The following MRPS25 variants were observed in gnomAD, a reference collection of about 807,000 sequenced individuals.
MRPS25 encodes mitochondrial ribosomal protein S25, also known as small ribosomal subunit protein mS25.
Under a neutral mutation model 17.3 loss-of-function variants are expected in MRPS25, and 15 were observed. That is an observed-to-expected ratio of 0.87 (90% CI 0.58 to 1.34). The LOEUF (loss-of-function observed/expected upper bound fraction) is 1.34. MRPS25 is among the 40% of genes most tolerant of loss of function. The pLI is 0.00. For synonymous variants in MRPS25, 94 were observed against 83.3 expected (o/e 1.13, Z -0.70); for missense variants, 225 against 218.6 (o/e 1.03, Z -0.19).
At chr3:15,057,631 G>A (rs2042690017) in intron 2 of MRPS25, among the ~76,000 whole-genome samples, 1 of 152,224 alleles carries the variant, frequency 6.6e-6, no homozygotes, top group African/African-American at 2.4e-5. Context: ...AAATTAACCA[G>A]AAAGTGGCAC....
downstream of MRPS25, chr3:15,043,514 T>C (rs2042345586): frequency 6.5e-6 from 1 of 152,726 alleles, no homozygotes; most frequent in Admixed American, 6.5e-5. Flanking sequence ...TTTGCCGAAA[T>C]GCTAATGATT....
chr3:15,054,349 G>T (rs1003318511), intron 2 of MRPS25, among the ~76,000 whole-genome samples: 1 of 152,146 alleles, frequency 6.6e-6, no homozygotes, highest in Non-Finnish European at 1.5e-5. Context: ...TCAACAAATG[G>T]CGCTGGGATA....
At position 15,052,423 on chromosome 3, in the gene MRPS25, C is replaced by A. The variant is rs2042617052; in HGVS notation, c.*18G>T. 1.2e-6 allele frequency: 2 copies of A among 1,606,310 alleles called. No homozygotes were observed. The highest frequency in any genetic ancestry group is 1.7e-6 in the Non-Finnish European group (2 of 1,173,956). ...ACTGGTCAGACACCATCACCCCAGC[C>A]CACAGTGACCGTGGGCCTTAGTCCT... is the stretch of plus-strand genomic sequence containing the variant. On this transcript the variant is annotated 3_prime_UTR_variant, in exon 4 of 4. Transcript: ENST00000253686.
downstream of MRPS25, chr3:15,042,556 T>TG: frequency 3.1e-6 from 1 of 324,044 alleles, no homozygotes; most frequent in Non-Finnish European, 5.6e-6. Flanking sequence ...CCTCTGTTGA[T>TG]GAATTTCCAG....
chr3:15,056,947 G>A (rs2042680594), intron 2 of MRPS25, among the ~76,000 whole-genome samples: 1 of 152,222 alleles, frequency 6.6e-6, no homozygotes, highest in South Asian at 2.1e-4. Context: ...TAACTGCTCT[G>A]TGACCTGGCA....
intron 2 of MRPS25, 132 bp from the exon 3 acceptor site, chr3:15,053,599 A>C: frequency 1.0e-6 from 1 of 961,792 alleles, no homozygotes; most frequent in South Asian, 1.4e-5. Flanking sequence ...TTGTTTACAT[A>C]ATCTGTAATA....
chr3:15,061,501 G>C (rs1467496127), intron 1 of MRPS25, among the ~76,000 whole-genome samples: 1 of 152,232 alleles, frequency 6.6e-6, no homozygotes, highest in Non-Finnish European at 1.5e-5. Context: ...TGCAGACGGT[G>C]TCTGGTTCAC....
rs144658793 is a variant in MRPS25, at chr3:15,051,975, TGAAC to T, written c.*462_*465del. 1 of 987,202 alleles carries T rather than the reference TGAAC, an allele frequency of 1.0e-6. No individual in the cohort carries two copies. The highest frequency in any genetic ancestry group is 1.1e-4 in the East Asian group (1 of 8,856). 61.2% of individuals were successfully genotyped at this position (987,202 alleles called of 1,614,324 possible). ...TTTCTGAAAAATACCCCCAAGGAACTGAACGGAGGGGTGTACACACTGCCAACCA... is the reference window on the plus strand; with the variant it reads ...TTTCTGAAAAATACCCCCAAGGAACTGGAGGGGTGTACACACTGCCAACCA... On this transcript the variant is annotated 3_prime_UTR_variant, in exon 4 of 4. Coordinates refer to ENST00000253686, the MANE Select transcript of MRPS25 (RefSeq NM_022497.5).
At chr3:15,059,238 A>G in intron 2 of MRPS25, 131 bp downstream of exon 2, 1 of 673,810 alleles carries the variant, frequency 1.5e-6, no homozygotes, top group South Asian at 1.7e-5. Context: ...GGGGAAGCCA[A>G]AGGTGCCAGG....
At chr3:15,053,591 G>A (rs1398091308) in intron 2 of MRPS25, 124 bp from the exon 3 acceptor site, 2 of 1,065,470 alleles carry the variant, frequency 1.9e-6, no homozygotes, top group African/African-American at 1.6e-5. Context: ...AGATATACTT[G>A]TTTACATAAT....
intron 1 of MRPS25, among the ~76,000 whole-genome samples, chr3:15,063,286 T>C (rs1011111909): frequency 1.3e-5 from 2 of 152,206 alleles, no homozygotes; most frequent in African/African-American, 2.4e-5. Flanking sequence ...TGGGGACCAC[T>C]TGTTCAGGGT....
In MRPS25 at chr3:15,051,538, G is replaced by A. The variant is rs949366643; in HGVS notation, c.*903C>T. On this transcript the variant is annotated 3_prime_UTR_variant, in exon 4 of 4. Coordinates refer to ENST00000253686, the MANE Select transcript of MRPS25 (RefSeq NM_022497.5). ...AAGGCTCTGCTGTCTTCTGGAGGCT[G>A]AAACCTCCACTTTAGCATAACTAAA... 9.1e-6 allele frequency: 9 copies of A among 985,354 alleles called. No individual in the cohort carries two copies. The South Asian group carries it at 3.8e-4, about 41-fold the overall frequency. 61.0% of individuals were successfully genotyped at this position (985,354 alleles called of 1,614,324 possible). A position where few individuals can be genotyped will look rare whatever the true frequency, so the allele number is the denominator to read the frequency against.
chr3:15,065,106 A>G lies in MRPS25; in HGVS notation c.89T>C (p.Met30Thr), dbSNP rs1039643335. 8 of 1,608,944 alleles carry G rather than the reference A, an allele frequency of 5.0e-6. No homozygotes were observed. The highest frequency in any genetic ancestry group is 6.8e-6 in the Non-Finnish European group (8 of 1,178,062). ...NVVFKDSVKV[M>T]TVNYNTHGEL... The stretch of plus-strand genomic sequence containing the variant: ...CCCATGCGTGTTGTAATTCACTGTC[A>G]TGACCTTCACGGAGTCCTTGAACAC... Residue 30 changes from methionine to threonine, a missense_variant, in exon 1 of 4, where the codon ATG becomes ACG. Physicochemically the swap from Met to Thr is moderately conservative, Grantham distance 81. Coordinates refer to ENST00000253686, the MANE Select transcript of MRPS25 (RefSeq NM_022497.5).
At chr3:15,057,781 C>T (rs1382888086) in intron 2 of MRPS25, among the ~76,000 whole-genome samples, 1 of 152,212 alleles carries the variant, frequency 6.6e-6, no homozygotes, top group African/African-American at 2.4e-5. Context: ...AAGTAAATTG[C>T]ACCTCAATAG....
Position 15,048,965 on chromosome 3 carries a change from TTTTA to T in MRPS25, c.*3472_*3475del, listed in dbSNP as rs1397579425. Reference sequence around the variant, plus strand: ...AGAAAATATTGGTTTTGCCATTACATTTTAATGCCAGGTTTAAAACCTGTTGAAA... The same window carrying T: ...AGAAAATATTGGTTTTGCCATTACATATGCCAGGTTTAAAACCTGTTGAAA... On this transcript the variant is annotated 3_prime_UTR_variant, in exon 4 of 4. Transcript: ENST00000253686. The T allele has an allele frequency of 6.5e-6, 1 of 152,694 alleles. No individual in the cohort carries two copies. Among genetic ancestry groups the T allele is most frequent in the Non-Finnish European group, 1.5e-5 (1 of 68,044 alleles). The allele number at this position is 152,694 out of a possible 1,614,324, so 9.5% of individuals were successfully genotyped here.
At chr3:15,048,062 G>A (rs2042518572), downstream of MRPS25, 1 of 152,628 alleles carries the variant, frequency 6.6e-6, no homozygotes, top group Non-Finnish European at 1.5e-5. Flanking sequence ...GGAATCACTA[G>A]ATTGCTGCAA....
chr3:15,058,674 A>G (rs1278353475), intron 2 of MRPS25, among the ~76,000 whole-genome samples: 1 of 152,194 alleles, frequency 6.6e-6, no homozygotes, highest in African/African-American at 2.4e-5. Flanking sequence ...TGTTTCCTGA[A>G]GCATTTCCCA....
In MRPS25 at chr3:15,052,605, T is replaced by C. The variant is rs1559326758; in HGVS notation, c.358A>G (p.Lys120Glu). 6.2e-7 allele frequency: 1 copy of C among 1,614,116 alleles called. No homozygotes were observed. Among genetic ancestry groups the C allele is most frequent in the East Asian group, 2.2e-5 (1 of 44,882 alleles). The change falls in exon 4 of 4, where the codon AAA (lysine) becomes GAA (glutamate). Residue 120 changes from lysine (K) to glutamate (E), a missense_variant. Physicochemically the swap from Lys to Glu is moderately conservative, Grantham distance 56. Transcript: ENST00000253686. ...EETLREEEEEKKQLSHPANFG... is the reference protein window; with the variant it reads ...EETLREEEEEEKQLSHPANFG... ...TTGGCTGGGTGAGAAAGCTGCTTTT[T>C]CTCCTCCTCCTCTTCCCTGAGGGTT...
Position 15,065,215 on chromosome 3 carries a change from C to A in MRPS25, c.-21G>T. 1 of 1,567,300 alleles carries A rather than the reference C, an allele frequency of 6.4e-7. No individual in the cohort carries two copies. The highest frequency in any genetic ancestry group is 2.4e-5 in the East Asian group (1 of 41,890). On this transcript the variant is annotated 5_prime_UTR_variant, in exon 1 of 4. Transcript: ENST00000253686. ...GGCATGGCGGCAACGGTGGCGGGGC[C>A]GACCCCACGGGCCGCGAGCCGAGCA...
Sources: gnomAD v4.1 joint callset for allele counts (sites outside exome capture counted in the v4.1 genomes callset) on GRCh38, gnomAD v4.1.1 for gene constraint, MANE v1.5 for transcripts, NCBI Gene and HGNC (gene_info 2026-07-23, HGNC 2026-07-21) for gene names.